The following EDA variants were observed in gnomAD, a reference collection of about 807,000 sequenced individuals.
The protein encoded by EDA is ectodysplasin A, also known as ectodysplasin-A.
A neutral mutation model predicts 23.6 loss-of-function variants in EDA; 2 were observed. The ratio of observed to expected loss-of-function variants is 0.08; its 90% CI spans 0.03 to 0.27. The LOEUF is 0.27. Ranked by LOEUF, EDA falls within the 10% of genes least tolerant of loss-of-function variation. The pLI is 1.00. For missense variants in EDA, 229 were observed against 324.2 expected (o/e 0.71, Z 2.26); for synonymous variants, 131 against 132.0 (o/e 0.99, Z 0.05).
chrX:69,635,456 G>T (rs1402095867), intron 1 of EDA, among the ~76,000 whole-genome samples: 2 of 109,063 alleles, frequency 1.8e-5, no homozygotes, highest in East Asian at 5.8e-4. Flanking sequence ...TTCCTCCCCT[G>T]TTCATCTCAG....
intron 1 of EDA, among the ~76,000 whole-genome samples, chrX:69,644,484 TA>T (rs762024151): frequency 8.1e-4 from 91 of 111,750 alleles, no homozygotes; most frequent in Non-Finnish European, 1.4e-3. Flanking sequence ...TGAAGTTGTT[TA>T]TCAGCTTAAG....
At chrX:69,912,802 T>C (rs1280978290) in intron 1 of EDA, among the ~76,000 whole-genome samples, 1 of 99,226 alleles carries the variant, frequency 1.0e-5, no homozygotes, top group African/African-American at 3.8e-5. Context: ...AGGGTCTCAC[T>C]CTGTTGCCCA....
At chrX:69,776,657 G>A (rs958337242) in intron 1 of EDA, among the ~76,000 whole-genome samples, 7 of 111,137 alleles carry the variant, frequency 6.3e-5, no homozygotes, top group Non-Finnish European at 1.3e-4. Context: ...CTGAAGAAGA[G>A]GGGAGCTGTG....
intron 1 of EDA, among the ~76,000 whole-genome samples, chrX:69,840,288 A>G (rs2016866992): frequency 9.0e-6 from 1 of 111,010 alleles, no homozygotes; most frequent in Admixed American, 9.6e-5. Context: ...CCCCAAACCC[A>G]TTGTTTTCTC....
At chrX:70,032,203 G>A (rs1357552273) in intron 6 of EDA, among the ~76,000 whole-genome samples, 1 of 108,964 alleles carries the variant, frequency 9.2e-6, no homozygotes, top group African/African-American at 3.4e-5. Context: ...AGGTTGCAGT[G>A]AGCCAAGATC....
chrX:69,709,773 G>T (rs1001935961), intron 1 of EDA, among the ~76,000 whole-genome samples: 1 of 112,107 alleles, frequency 8.9e-6, no homozygotes, highest in Non-Finnish European at 1.9e-5. Flanking sequence ...GGGACTATAG[G>T]CATGGGCCAT....
chrX:69,844,021 C>CAAAAAA (rs752030655), intron 1 of EDA, among the ~76,000 whole-genome samples: 1 of 61,880 alleles, frequency 1.6e-5, no homozygotes, highest in Non-Finnish European at 2.8e-5. Context: ...GACTCTGTCT[C>CAAAAAA]AAAAAAAAAA....
chrX:69,849,134 T>C (rs9699288), intron 1 of EDA, among the ~76,000 whole-genome samples: 18 of 92,102 alleles, frequency 2.0e-4, no homozygotes, highest in African/African-American at 4.2e-4. Flanking sequence ...CACACACACA[T>C]ACATATTATT....
intron 1 of EDA, among the ~76,000 whole-genome samples, chrX:69,826,692 C>T (rs1321376003): frequency 9.2e-6 from 1 of 108,980 alleles, no homozygotes; most frequent in Admixed American, 9.8e-5. Flanking sequence ...GCATTTAGTC[C>T]ATTTACATTT....
chrX:69,915,937 G>A (rs1055848978), intron 1 of EDA, among the ~76,000 whole-genome samples: 7 of 111,610 alleles, frequency 6.3e-5, no homozygotes, highest in Admixed American at 4.8e-4. Flanking sequence ...CTTTCTTGTC[G>A]GTGCTCCTCT....
At chrX:69,842,538 G>T (rs2016916673) in intron 1 of EDA, among the ~76,000 whole-genome samples, 1 of 112,000 alleles carries the variant, frequency 8.9e-6, no homozygotes, top group African/African-American at 3.3e-5. Flanking sequence ...GTAGTATACA[G>T]ACTAAATCCA....
At chrX:70,024,878 T>C (rs769286201) in intron 3 of EDA, among the ~76,000 whole-genome samples, 1 of 112,551 alleles carries the variant, frequency 8.9e-6, no homozygotes, top group East Asian at 2.8e-4. Flanking sequence ...TTCTTTCATC[T>C]AACACTACAT....
chrX:69,806,922 A>G (rs1373286368), intron 1 of EDA, among the ~76,000 whole-genome samples: 1 of 111,337 alleles, frequency 9.0e-6, no homozygotes, highest in Admixed American at 9.6e-5. Flanking sequence ...AGTCTAAACT[A>G]TGCCAGGGCT....
At chrX:69,937,148 G>A (rs1265053190) in intron 1 of EDA, 3 of 1,047,022 alleles carry the variant, frequency 2.9e-6, no homozygotes, top group Non-Finnish European at 4.0e-6. Flanking sequence ...AAAATAAAAG[G>A]ACTATTTCAT....
At chrX:69,857,376 T>G (rs1014280118) in intron 1 of EDA, among the ~76,000 whole-genome samples, 2 of 111,855 alleles carry the variant, frequency 1.8e-5, no homozygotes, top group Non-Finnish European at 3.8e-5. Flanking sequence ...ATATGAATTT[T>G]AGAATTGTTT....
chrX:69,857,715 CTT>C (rs750588094), intron 1 of EDA, among the ~76,000 whole-genome samples: 1 of 105,301 alleles, frequency 9.5e-6, no homozygotes, highest in African/African-American at 3.5e-5. Flanking sequence ...TATGTGGGCT[CTT>C]TTTTGGTTCC....
At chrX:69,714,295 A>T (rs1399139421) in intron 1 of EDA, among the ~76,000 whole-genome samples, 1 of 110,945 alleles carries the variant, frequency 9.0e-6, no homozygotes, top group East Asian at 2.8e-4. Flanking sequence ...TATATTCTAG[A>T]TATAAGTTCA....
At chrX:69,784,900 G>A (rs377295770) in intron 1 of EDA, among the ~76,000 whole-genome samples, 109 of 110,406 alleles carry the variant, frequency 9.9e-4, no homozygotes, top group African/African-American at 3.5e-3. Context: ...CCATTTTCAC[G>A]ATATTGATTC....
intron 1 of EDA, among the ~76,000 whole-genome samples, chrX:69,715,403 C>T (rs1176869218): frequency 1.8e-5 from 2 of 111,340 alleles, no homozygotes; most frequent in Non-Finnish European, 3.8e-5. Context: ...CATCCATGTT[C>T]CTACAAAGGA....
Sources: allele counts gnomAD v4.1 joint callset (sites outside exome capture counted in the v4.1 genomes callset), GRCh38; gene constraint gnomAD v4.1.1; transcripts MANE v1.5; gene names NCBI Gene and HGNC (gene_info 2026-07-23, HGNC 2026-07-21).